Variants in EML1 observed in about 807,000 individuals in gnomAD.
EML1 encodes EMAP like 1, also known as echinoderm microtubule-associated protein-like 1.
Under a neutral mutation model 110.4 loss-of-function variants are expected in EML1, and 27 were observed. That is an observed-to-expected ratio of 0.24 (90% CI 0.18 to 0.34). EML1 has a LOEUF of 0.34. Ranked by LOEUF, EML1 falls within the 10% of genes least tolerant of loss-of-function variation. The pLI is 1.00. For missense variants in EML1, 741 were observed against 1,030.9 expected, an observed-to-expected ratio of 0.72 and a Z score of 3.85; for synonymous variants, 344 against 385.8, an observed-to-expected ratio of 0.89 and a Z score of 1.27.
chr14:99,757,105 C>T (rs1289734997), intron 1 of EML1, among the ~76,000 whole-genome samples: 3 of 152,184 alleles, frequency 2.0e-5, no homozygotes, highest in African/African-American at 4.8e-5. Flanking sequence ...TTTGCGAGGC[C>T]GAGGCGGGAG....
chr14:99,936,098 G>A lies in EML1; in HGVS notation c.1979G>A (p.Arg660Lys), dbSNP rs1211284094. 5.0e-6 allele frequency: 8 copies of A among 1,614,046 alleles called. No individual in the cohort carries two copies. The highest frequency in any genetic ancestry group is 6.8e-6 in the Non-Finnish European group (8 of 1,180,050). Residue 660 changes from arginine to lysine, a missense_variant, in exon 18 of 22, where the codon AGG becomes AAG. By Grantham distance (26) the Arg-to-Lys change is conservative. Coordinates refer to ENST00000262233, the MANE Select transcript of EML1 (RefSeq NM_004434.3). The surrounding 1 kb of genome is among the most constrained non-coding windows in gnomAD (Gnocchi z 5.5). The stretch of plus-strand genomic sequence containing the variant: ...ATATATGGCGTTAGTGACAACGGGA[G>A]GAAGTACACGCGAGTGGGCAAGTGC... Reference protein sequence around the residue: ...IYIYGVSDNGRKYTRVGKCSG... With the variant: ...IYIYGVSDNGKKYTRVGKCSG...
intron 15 of EML1, among the ~76,000 whole-genome samples, chr14:99,916,547 C>T (rs1210685001): frequency 6.6e-6 from 1 of 152,180 alleles, no homozygotes; most frequent in African/African-American, 2.4e-5. Context: ...TGCCCTTTAT[C>T]TAAAACACAT....
chr14:99,832,279 G>A (rs548900664), intron 1 of EML1, among the ~76,000 whole-genome samples: 24 of 152,090 alleles, frequency 1.6e-4, no homozygotes, highest in Non-Finnish European at 2.6e-4. Flanking sequence ...CTTGTTGATG[G>A]ACATTTGGGC....
chr14:99,766,146 G>T (rs1444270200), intron 1 of EML1, among the ~76,000 whole-genome samples: 1 of 150,112 alleles, frequency 6.7e-6, no homozygotes, highest in African/African-American at 2.5e-5. Context: ...TCTTTTGGGG[G>T]TAGACTCAGA....
At chr14:99,889,637 G>A (rs1038472189) in intron 4 of EML1, among the ~76,000 whole-genome samples, 18 of 152,320 alleles carry the variant, frequency 1.2e-4, no homozygotes, top group African/African-American at 4.1e-4. Context: ...CTGACTTCGG[G>A]GAGGATGGTC....
At chr14:99,906,483 T>C (rs901847844) in intron 9 of EML1, among the ~76,000 whole-genome samples, 1 of 152,222 alleles carries the variant, frequency 6.6e-6, no homozygotes, top group Non-Finnish European at 1.5e-5. Flanking sequence ...TAAACTGTCA[T>C]GGTGCTGGTG....
In EML1 at chr14:99,940,996, T is replaced by A. The variant is rs1240796298; in HGVS notation, c.*884T>A. On this transcript the variant is annotated 3_prime_UTR_variant, in exon 22 of 22. Coordinates refer to ENST00000262233, the MANE Select transcript of EML1 (RefSeq NM_004434.3). ...CTTATGCTTATGGACATTGTATATTTGTATTTTATGACCAAGTAGACCAAG... is the reference window on the plus strand; with the variant it reads ...CTTATGCTTATGGACATTGTATATTAGTATTTTATGACCAAGTAGACCAAG... The A allele has an allele frequency of 1.3e-5, 2 of 152,236 alleles. No homozygotes were observed. The highest frequency in any genetic ancestry group is 2.9e-5 in the Non-Finnish European group (2 of 68,042). The allele number at this position is 152,236 out of a possible 1,614,324, so 9.4% of individuals were successfully genotyped here.
At chr14:99,791,812 C>CA (rs2057677166), upstream of EML1, among the ~76,000 whole-genome samples, 1 of 152,234 alleles carries the variant, frequency 6.6e-6, no homozygotes, top group Non-Finnish European at 1.5e-5. Context: ...AAGTCTGGTT[C>CA]AGGCTCCTCT....
In EML1 at chr14:99,940,303, G is replaced by A; in HGVS notation, c.*191G>A. The A allele has an allele frequency of 1.5e-6, 1 of 683,420 alleles. No individual in the cohort carries two copies. The highest frequency in any genetic ancestry group is 1.8e-5 in the African/African-American group (1 of 54,382). 42.3% of individuals were successfully genotyped at this position (683,420 alleles called of 1,614,324 possible). On this transcript the variant is annotated 3_prime_UTR_variant, in exon 22 of 22. Transcript: ENST00000262233. ...GATCAGCGGTTCCGTGTTCACTTTT[G>A]TTGTACAATATATGACACAGTGCAC... is the stretch of plus-strand genomic sequence containing the variant.
At chr14:99,835,217 G>C (rs1595359936) in intron 1 of EML1, among the ~76,000 whole-genome samples, 1 of 152,142 alleles carries the variant, frequency 6.6e-6, no homozygotes, top group African/African-American at 2.4e-5. Context: ...TTTCTTTCAA[G>C]AATGTGTATA....
intron 3 of EML1, among the ~76,000 whole-genome samples, chr14:99,866,000 C>T (rs1259656462): frequency 3.3e-5 from 5 of 152,166 alleles, no homozygotes; most frequent in Admixed American, 2.0e-4. Context: ...ATTGCCATAG[C>T]AACCTTAGAT....
In EML1 at chr14:99,756,882, G is replaced by A. The variant is rs973072431; in HGVS notation, c.28+19022G>A. ...AGCCTCACACATCCGCACGCGGCCC[G>A]CACTCTCACAGGGCGCGTATACACT... is the stretch of plus-strand genomic sequence containing the variant. On this transcript the variant is annotated intron_variant, in intron 1 of 10. Coordinates refer to the EML1 transcript ENST00000554479. Among the ~76,000 whole-genome samples, 8 of 152,124 alleles carry A rather than the reference G, an allele frequency of 5.3e-5. No individual in the cohort carries two copies. In the South Asian group the frequency reaches 6.2e-4, roughly 12 times the overall value.
intron 5 of EML1, chr14:99,892,175 G>A (rs967149109): frequency 3.8e-5 from 37 of 985,250 alleles, no homozygotes; most frequent in Middle Eastern, 5.2e-4. Context: ...CAAGGGAAAC[G>A]CCGGGTGACA....
intron 1 of EML1, among the ~76,000 whole-genome samples, chr14:99,819,496 C>G (rs1017734483): frequency 6.6e-6 from 1 of 152,140 alleles, no homozygotes; most frequent in Non-Finnish European, 1.5e-5. Flanking sequence ...TTTCTCTATA[C>G]GAATAAGGTG....
upstream of EML1, among the ~76,000 whole-genome samples, chr14:99,788,488 A>C (rs1186973840): frequency 6.6e-6 from 1 of 152,134 alleles, no homozygotes; most frequent in Non-Finnish European, 1.5e-5. Flanking sequence ...GTGTGTCTGT[A>C]GTTTCAGCTG....
In EML1 at chr14:99,919,947, G is replaced by A. The variant is rs796971210; in HGVS notation, c.1821-842G>A. On this transcript the variant is annotated intron_variant, in intron 16 of 21. Transcript: ENST00000262233. ...ATGCTGATGGGATGTCCTCAGGCAG[G>A]TTAGAAACTGCAGCAACAGTTTATC... 1.6e-4 allele frequency among the ~76,000 whole-genome samples: 25 copies of A among 152,240 alleles called. 1 individual carries two copies. Among genetic ancestry groups the A allele is most frequent in the African/African-American group, 5.3e-4 (22 of 41,534 alleles).
At chr14:99,904,372 A>G (rs1215841727) in intron 9 of EML1, among the ~76,000 whole-genome samples, 2 of 151,236 alleles carry the variant, frequency 1.3e-5, no homozygotes, top group Non-Finnish European at 2.9e-5. Flanking sequence ...CTTTTAATCT[A>G]GGCAAAAAAA....
At chr14:99,789,865 T>A (rs961400731), upstream of EML1, among the ~76,000 whole-genome samples, 1 of 152,254 alleles carries the variant, frequency 6.6e-6, no homozygotes, top group African/African-American at 2.4e-5. Flanking sequence ...GTGCTCAGGA[T>A]ATAAATTAAC....
intron 4 of EML1, among the ~76,000 whole-genome samples, chr14:99,885,684 A>G (rs562994309): frequency 5.3e-5 from 8 of 152,332 alleles, no homozygotes; most frequent in African/African-American, 1.9e-4. Flanking sequence ...GATAAGTGCT[A>G]ATATTCTTCA....
Sources: gnomAD v4.1 joint callset for allele counts (sites outside exome capture counted in the v4.1 genomes callset) on GRCh38, gnomAD v4.1.1 for gene constraint, Gnocchi (gnomAD v3.1) non-coding constraint, MANE v1.5 for transcripts, NCBI Gene and HGNC (gene_info 2026-07-23, HGNC 2026-07-21) for gene names.